The following PCDHGA3 variants were observed in gnomAD, a reference collection of about 807,000 sequenced individuals.
The protein encoded by PCDHGA3 is protocadherin gamma-A3.
Under a neutral mutation model 58.5 loss-of-function variants are expected in PCDHGA3, and 40 were observed. The ratio of observed to expected loss-of-function variants is 0.68; its 90% CI spans 0.53 to 0.89. The LOEUF is 0.89. Among genes scored for constraint, PCDHGA3 ranks in the 40% least tolerant of loss-of-function variants. PCDHGA3 has a pLI of 0.00. For missense variants in PCDHGA3, 1,223 were observed against 1,195.9 expected, an observed-to-expected ratio of 1.02 and a Z score of -0.33; for synonymous variants, 530 against 525.7, an observed-to-expected ratio of 1.01 and a Z score of -0.11.
At chr5:141,469,249 C>T (rs1025813940) in intron 1 of PCDHGA3, among the ~76,000 whole-genome samples, 1 of 152,026 alleles carries the variant, frequency 6.6e-6, no homozygotes, top group Non-Finnish European at 1.5e-5. Flanking sequence ...TGCACTCCAG[C>T]TTGGGCAACA....
At chr5:141,505,085 C>A (rs954289918) in intron 2 of PCDHGA3, among the ~76,000 whole-genome samples, 1 of 152,162 alleles carries the variant, frequency 6.6e-6, no homozygotes, top group Non-Finnish European at 1.5e-5. Context: ...TCGCTTGAAC[C>A]CAGGAGGTGG....
At position 141,477,763 on chromosome 5, in the gene PCDHGA3, C is replaced by A. The variant is rs763322593; in HGVS notation, c.2425-17044C>A. On this transcript the variant is annotated intron_variant, in intron 1 of 3. Coordinates refer to ENST00000253812, the MANE Select transcript of PCDHGA3 (RefSeq NM_018916.4). The surrounding 1 kb of genome is among the most constrained non-coding windows in gnomAD (Gnocchi z 4.9). ...ATGGGGGCACCCCGGTCCTAGCCAC[C>A]AACATCAGCGTGAACATATTTGTCA... 5.0e-6 allele frequency: 8 copies of A among 1,613,894 alleles called. No homozygotes were observed. The East Asian group carries it at 1.6e-4, about 31-fold the overall frequency.
At chr5:141,478,584 T>G in intron 1 of PCDHGA3, 1 of 1,577,982 alleles carries the variant, frequency 6.3e-7, no homozygotes, top group Non-Finnish European at 8.6e-7. Flanking sequence ...CTGTTAGTGC[T>G]TTTTTATTCC....
chr5:141,365,331 T>G, intron 1 of PCDHGA3: 1 of 1,613,960 alleles, frequency 6.2e-7, no homozygotes, highest in Non-Finnish European at 8.5e-7. Flanking sequence ...GCTAAGGTGG[T>G]GGTCACAGTA....
chr5:141,432,717 C>T lies in PCDHGA3; in HGVS notation c.2425-62090C>T. On this transcript the variant is annotated intron_variant, in intron 1 of 3. Transcript: ENST00000253812. The surrounding 1 kb of genome is among the most constrained non-coding windows in gnomAD (Gnocchi z 6.0). ...GCCGTCCAGGACCACGGCCAGCCCC[C>T]TCTCTCCGCCACTGTCACGCTCACC... 1 of 1,614,030 alleles carries T rather than the reference C, an allele frequency of 6.2e-7. No individual in the cohort carries two copies. Among genetic ancestry groups the T allele is most frequent in the Non-Finnish European group, 8.5e-7 (1 of 1,179,978 alleles).
chr5:141,344,932 A>T lies in PCDHGA3; in HGVS notation c.899A>T (p.Glu300Val). The T allele has an allele frequency of 6.2e-7, 1 of 1,613,936 alleles. No homozygotes were observed. The highest frequency in any genetic ancestry group is 8.5e-7 in the Non-Finnish European group (1 of 1,179,834). The change falls in exon 1 of 4, where the codon GAA becomes GTA. Residue 300 changes from glutamate (E) to valine (V), a missense_variant. Physicochemically the swap from Glu to Val is moderately radical, Grantham distance 121 (BLOSUM62 -2). Transcript: ENST00000253812. ...EIFHLNSVSG[E>V]VSILKSLDYE... ...TTCCATCTTAACTCAGTGAGTGGAG[A>T]AGTATCAATATTAAAAAGTCTAGAT...
In PCDHGA3 at chr5:141,511,236, C is replaced by T; in HGVS notation, c.*63C>T. 4 of 1,591,606 alleles carry T rather than the reference C, an allele frequency of 2.5e-6. No individual in the cohort carries two copies. Among genetic ancestry groups the T allele is most frequent in the Admixed American group, 3.6e-5 (2 of 56,022 alleles). ...CCCAACCAGCCCAGCTTCTCCTTAC[C>T]TGCACCCAGGCCTCAGAGTTTCAGG... On this transcript the variant is annotated 3_prime_UTR_variant, in exon 4 of 4. Transcript: ENST00000253812.
intron 1 of PCDHGA3, among the ~76,000 whole-genome samples, chr5:141,444,095 T>C (rs1012556994): frequency 2.0e-5 from 3 of 150,676 alleles, no homozygotes; most frequent in Admixed American, 1.3e-4. Flanking sequence ...CTGCTAAGGA[T>C]TGGAAACCAA....
chr5:141,384,283 G>A (rs762515266), intron 1 of PCDHGA3: 1 of 1,613,762 alleles, frequency 6.2e-7, no homozygotes. Context: ...AGTCTACATC[G>A]CTGAGAACAA....
At chr5:141,370,552 A>T in intron 1 of PCDHGA3, 2 of 1,613,806 alleles carry the variant, frequency 1.2e-6, no homozygotes, top group Non-Finnish European at 1.7e-6. Context: ...CTCGCCAAGG[A>T]CCTGGGGTTT....
At chr5:141,466,146 T>C (rs977109086) in intron 1 of PCDHGA3, among the ~76,000 whole-genome samples, 5 of 151,880 alleles carry the variant, frequency 3.3e-5, no homozygotes, top group Non-Finnish European at 7.4e-5. Context: ...GTGAAAACTC[T>C]GGTCTTAAAC....
chr5:141,426,488 T>G, intron 1 of PCDHGA3: 1 of 328,024 alleles, frequency 3.0e-6, no homozygotes, highest in Non-Finnish European at 6.1e-6. Context: ...AACCTTAGAG[T>G]TAGTGCAGAG....
chr5:141,511,345 T>TC lies in PCDHGA3; in HGVS notation c.*179dup, dbSNP rs535135679. The TC allele has an allele frequency of 6.6e-4, 924 of 1,410,366 alleles. 3 individuals are homozygous for TC. The African/African-American group carries it at 0.011, about 17-fold the overall frequency. 87.4% of individuals were successfully genotyped at this position (1,410,366 alleles called of 1,614,324 possible). ...AAGTGCCCAGTCAGCACCTACCCCT[T>TC]CCCCCCCAGGGGGTTGAATATGCAA... On this transcript the variant is annotated 3_prime_UTR_variant, in exon 4 of 4. Coordinates refer to ENST00000253812, the MANE Select transcript of PCDHGA3 (RefSeq NM_018916.4).
At chr5:141,406,025 G>A (rs1367856742) in intron 1 of PCDHGA3, among the ~76,000 whole-genome samples, 1 of 151,502 alleles carries the variant, frequency 6.6e-6, no homozygotes, top group Non-Finnish European at 1.5e-5. Flanking sequence ...TTTTGGGTAG[G>A]GTTGCTTCAT....
Position 141,490,310 on chromosome 5 carries a change from A to G in PCDHGA3, c.2425-4497A>G. 2 of 1,614,082 alleles carry G rather than the reference A, an allele frequency of 1.2e-6. No homozygotes were observed. Among genetic ancestry groups the G allele is most frequent in the South Asian group, 2.2e-5 (2 of 91,078 alleles). ...GAGGTGCTATTGGCCTCTTTGGCCA[A>G]CCCTGTCCTAGAGAGCACACCAGTG... On this transcript the variant is annotated intron_variant, in intron 1 of 3. Transcript: ENST00000253812. The surrounding 1 kb of genome is among the most constrained non-coding windows in gnomAD (Gnocchi z 5.4).
intron 1 of PCDHGA3, among the ~76,000 whole-genome samples, chr5:141,472,497 G>A (rs1196427013): frequency 1.3e-5 from 2 of 151,958 alleles, no homozygotes; most frequent in Non-Finnish European, 2.9e-5. Context: ...ACGAGATCGT[G>A]CCACTGCACT....
In PCDHGA3 at chr5:141,360,981, T is replaced by A. The variant is rs373943758; in HGVS notation, c.2424+14524T>A. The A allele has an allele frequency of 4.3e-6, 7 of 1,613,656 alleles. No homozygotes were observed. In the African/African-American group the frequency reaches 9.3e-5, roughly 22 times the overall value. ...ACGCAGAGATCACCTACTCCTTTCA[T>A]AATGTGGACGAACAAGTGAAACACT... On this transcript the variant is annotated intron_variant, in intron 1 of 3. Coordinates refer to ENST00000253812, the MANE Select transcript of PCDHGA3 (RefSeq NM_018916.4).
At chr5:141,403,774 C>A (rs1350465491) in intron 1 of PCDHGA3, 1 of 1,613,786 alleles carries the variant, frequency 6.2e-7, no homozygotes, top group Non-Finnish European at 8.5e-7. Context: ...AGGGAATCAA[C>A]GGAAAAGTGG....
chr5:141,414,184 G>C (rs1228749194), intron 1 of PCDHGA3: 3 of 1,609,416 alleles, frequency 1.9e-6, no homozygotes, highest in Non-Finnish European at 2.5e-6. Flanking sequence ...AACTGCAAAA[G>C]TGTTGATTAC....
Sources: gnomAD v4.1 joint callset for allele counts (sites outside exome capture counted in the v4.1 genomes callset) on GRCh38, gnomAD v4.1.1 for gene constraint, Gnocchi (gnomAD v3.1) non-coding constraint, MANE v1.5 for transcripts, NCBI Gene and HGNC (gene_info 2026-07-23, HGNC 2026-07-21) for gene names.